The following RNGTT variants were observed in gnomAD, a reference collection of about 807,000 sequenced individuals.
RNGTT encodes mRNA-capping enzyme.
RNGTT carries 33 observed loss-of-function variants against 79.3 expected under a neutral mutation model. That is an observed-to-expected ratio of 0.42 (90% CI 0.32 to 0.56). RNGTT has a LOEUF of 0.56. Among genes scored for constraint, RNGTT ranks in the 20% least tolerant of loss-of-function variants. The pLI is 0.17. For synonymous variants in RNGTT, 222 were observed against 235.9 expected, an observed-to-expected ratio of 0.94 and a Z score of 0.54; for missense variants, 497 against 739.1, an observed-to-expected ratio of 0.67 and a Z score of 3.80.
chr6:88,810,700 GTTTC>G (rs1212875511), intron 11 of RNGTT, among the ~76,000 whole-genome samples: 1 of 152,112 alleles, frequency 6.6e-6, no homozygotes, highest in African/African-American at 2.4e-5. Context: ...ATAACCTACT[GTTTC>G]TTTTTCTCCT....
chr6:88,772,272 C>A (rs556680566), intron 12 of RNGTT, among the ~76,000 whole-genome samples: 2 of 149,110 alleles, frequency 1.3e-5, no homozygotes, highest in African/African-American at 4.9e-5. Flanking sequence ...ACACTGATTT[C>A]TTTAAAAAAA....
chr6:88,915,735 C>T (rs909899485), intron 4 of RNGTT, among the ~76,000 whole-genome samples: 2 of 152,128 alleles, frequency 1.3e-5, no homozygotes, highest in Non-Finnish European at 2.9e-5. Flanking sequence ...ACCCTTATAA[C>T]AACCTGCTCA....
At chr6:88,787,976 T>C (rs1779286133) in intron 12 of RNGTT, among the ~76,000 whole-genome samples, 1 of 152,214 alleles carries the variant, frequency 6.6e-6, no homozygotes, top group African/African-American at 2.4e-5. Flanking sequence ...TATTTGATCA[T>C]TTCAGAAATA....
chr6:88,799,243 G>A (rs763951910), intron 12 of RNGTT, among the ~76,000 whole-genome samples: 19 of 151,706 alleles, frequency 1.3e-4, no homozygotes, highest in Non-Finnish European at 2.4e-4. Context: ...TAAATTCAAA[G>A]ATGTTCCAAT....
At chr6:88,647,701 T>TAAAA (rs746472579) in intron 14 of RNGTT, among the ~76,000 whole-genome samples, 19 of 100,860 alleles carry the variant, frequency 1.9e-4, no homozygotes, top group Admixed American at 8.2e-4. Flanking sequence ...GACACCCTGT[T>TAAAA]AAAAAAAAAA....
intron 10 of RNGTT, among the ~76,000 whole-genome samples, chr6:88,847,693 GAATAA>G (rs1781530185): frequency 6.6e-6 from 1 of 151,886 alleles, no homozygotes; most frequent in Non-Finnish European, 1.5e-5. Context: ...ATCATTTTTA[GAATAA>G]AATATAGATT....
intron 11 of RNGTT, among the ~76,000 whole-genome samples, chr6:88,808,876 G>C (rs1352361425): frequency 6.6e-6 from 1 of 152,112 alleles, no homozygotes; most frequent in Non-Finnish European, 1.5e-5. Flanking sequence ...AGGATAACTT[G>C]AGCCTGGGAA....
At chr6:88,638,512 CAGAAGGTATCTTTGTT>C (rs1773184347) in intron 14 of RNGTT, among the ~76,000 whole-genome samples, 5 of 152,074 alleles carry the variant, frequency 3.3e-5, no homozygotes, top group Non-Finnish European at 7.4e-5. Context: ...ATCTCTAAGA[CAGAAGGTATCTTTGTT>C]GTGATAAGTT....
At chr6:88,843,024 G>A (rs760982073) in intron 11 of RNGTT, among the ~76,000 whole-genome samples, 43 of 151,944 alleles carry the variant, frequency 2.8e-4, no homozygotes, top group Non-Finnish European at 5.1e-4. Flanking sequence ...GTGGTGAGCC[G>A]AGATGGCACC....
chr6:88,909,736 G>A (rs1783771901), intron 4 of RNGTT, among the ~76,000 whole-genome samples: 1 of 152,184 alleles, frequency 6.6e-6, no homozygotes, highest in Non-Finnish European at 1.5e-5. Context: ...AGCATGCGCA[G>A]CTGTGTAAGA....
intron 8 of RNGTT, among the ~76,000 whole-genome samples, chr6:88,872,782 C>T (rs545705818): frequency 4.3e-4 from 66 of 152,084 alleles, no homozygotes; most frequent in Admixed American, 2.2e-3. Context: ...AAGAAATAGA[C>T]GGAGAAGTAC....
chr6:88,762,021 C>T (rs767968856), intron 13 of RNGTT, among the ~76,000 whole-genome samples: 1 of 151,848 alleles, frequency 6.6e-6, no homozygotes, highest in Non-Finnish European at 1.5e-5. Context: ...ACACCCAGAC[C>T]ACTAGGGGAT....
intron 13 of RNGTT, among the ~76,000 whole-genome samples, chr6:88,767,545 CGA>C (rs1778501441): frequency 6.6e-6 from 1 of 151,702 alleles, no homozygotes; most frequent in South Asian, 2.1e-4. Flanking sequence ...TGAAACAATC[CGA>C]GAGTCTATAC....
In RNGTT at chr6:88,614,279, A is replaced by T. The variant is rs1459076896; in HGVS notation, c.1623T>A (p.Thr541=). 1 of 1,613,698 alleles carries T rather than the reference A, an allele frequency of 6.2e-7. No individual in the cohort carries two copies. Among genetic ancestry groups the T allele is most frequent in the Non-Finnish European group, 8.5e-7 (1 of 1,179,768 alleles). Residue 541 remains threonine, a synonymous_variant, in exon 15 of 16, where the codon ACT becomes ACA. Transcript: ENST00000369485. ...TDKSFPNAYN[T]AMAVCNSISN... ...GTAAGTTGTCATACTCACCCATGGC[A>T]GTGTTGTAGGCATTAGGAAAACTTT...
At chr6:88,900,990 A>G (rs920019537) in intron 6 of RNGTT, among the ~76,000 whole-genome samples, 3 of 151,692 alleles carry the variant, frequency 2.0e-5, no homozygotes, top group Admixed American at 6.6e-5. Context: ...AAAAATACAA[A>G]AATTAGCTGG....
intron 14 of RNGTT, among the ~76,000 whole-genome samples, chr6:88,646,309 G>T (rs1773556185): frequency 6.6e-6 from 1 of 152,210 alleles, no homozygotes; most frequent in Admixed American, 6.5e-5. Context: ...TCTCACACCA[G>T]TTAGAATGGC....
At chr6:88,740,138 G>C (rs1375391743) in intron 13 of RNGTT, among the ~76,000 whole-genome samples, 1 of 152,002 alleles carries the variant, frequency 6.6e-6, no homozygotes, top group African/African-American at 2.4e-5. Context: ...AAACAAGTAG[G>C]AAAGAATACT....
At chr6:88,821,791 A>G (rs1780504075) in intron 11 of RNGTT, among the ~76,000 whole-genome samples, 1 of 151,886 alleles carries the variant, frequency 6.6e-6, no homozygotes, top group Non-Finnish European at 1.5e-5. Context: ...ATAGCACTGA[A>G]ACATTTTAAT....
rs1214872112 is a variant in RNGTT at position 88,754,251 on chromosome 6, C to A, written c.1439+15523G>T. Among the ~76,000 whole-genome samples the A allele has an allele frequency of 2.0e-5, 3 of 152,070 alleles. No individual in the cohort carries two copies. The East Asian group carries it at 5.8e-4, about 29-fold the overall frequency. ...CTAGCAGGGGAAATGATTGAGAAGA[C>A]CCTAAAGACAAAGATTGGAAAATTA... On this transcript the variant is annotated intron_variant, in intron 13 of 15. Transcript: ENST00000369485.
Sources: gnomAD v4.1 joint callset for allele counts (sites outside exome capture counted in the v4.1 genomes callset) on GRCh38, gnomAD v4.1.1 for gene constraint, MANE v1.5 for transcripts, NCBI Gene and HGNC (gene_info 2026-07-23, HGNC 2026-07-21) for gene names.